TTC3: variants seen among roughly 807,000 people sequenced by gnomAD.
TTC3 encodes the protein E3 ubiquitin-protein ligase TTC3.
TTC3 carries 180 observed loss-of-function variants against 249.6 expected under a neutral mutation model. That is an observed-to-expected ratio of 0.72 (90% confidence interval 0.64 to 0.82). TTC3 has a LOEUF of 0.82. Ranked by LOEUF, TTC3 falls within the 40% of genes least tolerant of loss-of-function variation. TTC3 has a pLI of 0.00. For synonymous variants in TTC3, 717 were observed against 805.0 expected, an observed-to-expected ratio of 0.89 and a Z score of 1.85; for missense variants, 2,061 against 2,398.4, an observed-to-expected ratio of 0.86 and a Z score of 2.94.
At chr21:37,087,426 T>A (rs374057147) in intron 2 of TTC3, 25 bp downstream of exon 2, 2 of 1,612,256 alleles carry the variant, frequency 1.2e-6, no homozygotes, top group Non-Finnish European at 1.7e-6. Flanking sequence ...TAATTTTTCA[T>A]TTTTGACATT....
At chr21:37,179,229 A>G (rs1006275643) in intron 35 of TTC3, among the ~76,000 whole-genome samples, 10 of 152,164 alleles carry the variant, frequency 6.6e-5, no homozygotes, top group African/African-American at 1.4e-4. Flanking sequence ...TGAGGCTGCA[A>G]TGAGCCATGA....
At position 37,150,177 on chromosome 21, in the gene TTC3, A is replaced by G; in HGVS notation, c.2211+7A>G. The G allele has an allele frequency of 6.2e-7, 1 of 1,600,042 alleles. No homozygotes were observed. The highest frequency in any genetic ancestry group is 8.6e-7 in the Non-Finnish European group (1 of 1,169,180). On this transcript the variant is annotated splice_region_variant and intron_variant, in intron 24 of 45. Coordinates refer to ENST00000355666, the Ensembl canonical transcript of TTC3. Reference sequence around the variant, plus strand: ...TGGTGAAGTTAAATGTGAAGTAAGTAATAAAGGGGAAACCTTGTTAGATAG... The same window carrying G: ...TGGTGAAGTTAAATGTGAAGTAAGTGATAAAGGGGAAACCTTGTTAGATAG...
chr21:37,083,489 C>T (rs2071987705), intron 1 of TTC3: 2 of 776,500 alleles, frequency 2.6e-6, no homozygotes, highest in Non-Finnish European at 3.1e-6. Flanking sequence ...GGCAGTGGCA[C>T]TGGGCATGAA....
chr21:37,074,414 C>G (rs950140029), intron 1 of TTC3, among the ~76,000 whole-genome samples: 1 of 152,204 alleles, frequency 6.6e-6, no homozygotes, highest in East Asian at 1.9e-4. Flanking sequence ...CAGTGGCGCC[C>G]TGGACGCCAA....
At position 37,195,985 on chromosome 21, in the gene TTC3, C is replaced by T. The variant is rs761514223; in HGVS notation, c.5528C>T (p.Pro1843Leu). The change falls in exon 42 of 46, where the codon CCG (proline) becomes CTG (leucine). Residue 1843 changes from proline to leucine, a missense_variant. Physicochemically the swap from Pro to Leu is moderately conservative, Grantham distance 98. This residue lies in a region of TTC3 where 1,040 missense variants were observed against 1,186.1 expected (regional missense o/e 0.88). Transcript: ENST00000355666. ...CGTTCAAGCCAGTCTCCAAAAAAGC[C>T]GTTCAATAGTATTATTGAGCACCTG... 24 of 1,614,052 alleles carry T rather than the reference C, an allele frequency of 1.5e-5. No homozygotes were observed. In the South Asian group the frequency reaches 1.5e-4, roughly 10 times the overall value.
intron 29 of TTC3, 91 bp downstream of exon 29, chr21:37,159,836 A>C: frequency 8.2e-7 from 1 of 1,220,400 alleles, no homozygotes; most frequent in African/African-American, 1.5e-5. Context: ...TATTGACATC[A>C]CAGCCAGCAT....
At chr21:37,162,140 T>A in intron 31 of TTC3, 77 bp downstream of exon 31, 1 of 890,046 alleles carries the variant, frequency 1.1e-6, no homozygotes, top group Non-Finnish European at 1.7e-6. Context: ...ATTTAATATA[T>A]ATAAACTTGT....
intron 36 of TTC3, among the ~76,000 whole-genome samples, chr21:37,183,195 T>C (rs1348032351): frequency 1.3e-5 from 2 of 152,204 alleles, no homozygotes; most frequent in African/African-American, 4.8e-5. Context: ...TTGAACACCA[T>C]CCCTTTCTCT....
At chr21:37,199,578 T>G (rs1331334282) in intron 44 of TTC3, among the ~76,000 whole-genome samples, 1 of 152,204 alleles carries the variant, frequency 6.6e-6, no homozygotes, top group Admixed American at 6.5e-5. Flanking sequence ...GGATGAGCCA[T>G]CCGTTTGTTT....
At chr21:37,095,757 A>G (rs553220595) in intron 9 of TTC3, among the ~76,000 whole-genome samples, 1 of 152,330 alleles carries the variant, frequency 6.6e-6, no homozygotes, top group Admixed American at 6.5e-5. Flanking sequence ...CAAGTTATTA[A>G]CTGGTCAAAA....
intron 10 of TTC3, among the ~76,000 whole-genome samples, chr21:37,103,185 C>T (rs1050650296): frequency 6.6e-6 from 1 of 152,118 alleles, no homozygotes. Flanking sequence ...AATAACTGTT[C>T]TTTACAAGCA....
At chr21:37,138,502 G>C in intron 18 of TTC3, 132 bp from the exon 19 acceptor site, 1 of 619,176 alleles carries the variant, frequency 1.6e-6, no homozygotes, top group Non-Finnish European at 2.9e-6. Context: ...ATTGATTAGT[G>C]AGATTTTATG....
intron 21 of TTC3, among the ~76,000 whole-genome samples, chr21:37,145,305 A>G (rs2147983397): frequency 6.6e-6 from 1 of 152,368 alleles, no homozygotes; most frequent in Non-Finnish European, 1.5e-5. Context: ...AAAAAGACAA[A>G]TAATCTAAGA....
At position 37,138,143 on chromosome 21, in the gene TTC3, G is replaced by A. The variant is rs369585770; in HGVS notation, c.1579-491G>A. Reference sequence around the variant, plus strand: ...AAGGTGTGTACATTGTTTAATGGACGTAATGCTACTACACACTTAATAAAC... The same window carrying A: ...AAGGTGTGTACATTGTTTAATGGACATAATGCTACTACACACTTAATAAAC... On this transcript the variant is annotated intron_variant, in intron 18 of 45. Coordinates refer to ENST00000355666, the Ensembl canonical transcript of TTC3. 1.5e-3 allele frequency among the ~76,000 whole-genome samples: 232 copies of A among 152,296 alleles called. 2 individuals are homozygous for A. Among genetic ancestry groups the A allele is most frequent in the African/African-American group, 5.0e-3 (209 of 41,566 alleles).
intron 40 of TTC3, 80 bp from the exon 41 acceptor site, chr21:37,192,032 G>A: frequency 2.3e-6 from 2 of 872,844 alleles, no homozygotes; most frequent in East Asian, 2.5e-5. Context: ...AGACAGTTAT[G>A]TTTCATTTAT....
At chr21:37,179,767 C>T (rs535392489) in intron 35 of TTC3, among the ~76,000 whole-genome samples, 1 of 152,170 alleles carries the variant, frequency 6.6e-6, no homozygotes, top group East Asian at 1.9e-4. Flanking sequence ...CCTGAGTAGA[C>T]AAGACTACAA....
chr21:37,163,855 TA>T (rs1319952260), intron 31 of TTC3, among the ~76,000 whole-genome samples, 195 bp from the exon 32 acceptor site: 1 of 152,250 alleles, frequency 6.6e-6, no homozygotes, highest in African/African-American at 2.4e-5. Flanking sequence ...GATTGTCAGA[TA>T]TGATATTTCT....
chr21:37,133,337 C>T (rs1399116956), intron 17 of TTC3, among the ~76,000 whole-genome samples: 1 of 152,114 alleles, frequency 6.6e-6, no homozygotes, highest in Admixed American at 6.5e-5. Context: ...CATTTCAAAA[C>T]ATGTGGATCT....
At chr21:37,114,082 A>G (rs919136132) in intron 11 of TTC3, among the ~76,000 whole-genome samples, 1 of 152,230 alleles carries the variant, frequency 6.6e-6, no homozygotes, top group Non-Finnish European at 1.5e-5. Flanking sequence ...AACCATAAAA[A>G]CCCTAGAAGA....
Sources: gnomAD v4.1 joint callset for allele counts (sites outside exome capture counted in the v4.1 genomes callset) on GRCh38, gnomAD v4.1.1 for gene constraint, gnomAD v4.1.1 regional missense constraint, MANE v1.5 for transcripts, NCBI Gene and HGNC (gene_info 2026-07-23, HGNC 2026-07-21) for gene names.